ATP8A1: variants seen among roughly 807,000 people sequenced by gnomAD.
ATP8A1 encodes the protein ATPase phospholipid transporting 8A1, also known as phospholipid-transporting ATPase IA.
A neutral mutation model predicts 177.7 loss-of-function variants in ATP8A1; 90 were observed. The observed-to-expected ratio is 0.51, with a 90% CI of 0.43 to 0.60. The LOEUF (loss-of-function observed/expected upper bound fraction) is 0.60, where lower values mean the gene tolerates loss of function less well. Among genes scored for constraint, ATP8A1 ranks in the 20% least tolerant of loss-of-function variants. The pLI, the probability that ATP8A1 is intolerant of heterozygous loss-of-function variation, is 0.00. For missense variants in ATP8A1, 1,072 were observed against 1,392.8 expected (o/e 0.77, Z 3.67); for synonymous variants, 493 against 485.9 (o/e 1.01, Z -0.19).
chr4:42,482,740 T>C (rs556024943), intron 25 of ATP8A1, among the ~76,000 whole-genome samples: 2 of 152,154 alleles, frequency 1.3e-5, no homozygotes, highest in African/African-American at 4.8e-5. Flanking sequence ...GGAACTAACA[T>C]GGAGACTCAT....
chr4:42,500,352 G>A (rs749854324), intron 24 of ATP8A1, among the ~76,000 whole-genome samples: 3 of 149,310 alleles, frequency 2.0e-5, no homozygotes, highest in Admixed American at 1.3e-4. Flanking sequence ...GTGACACAGC[G>A]AGACTCGGTC....
intron 25 of ATP8A1, among the ~76,000 whole-genome samples, chr4:42,467,317 GA>G (rs978580961): frequency 3.0e-4 from 46 of 152,240 alleles, no homozygotes; most frequent in African/African-American, 1.1e-3. Flanking sequence ...TAAGAAAAAA[GA>G]AAATGATATA....
intron 1 of ATP8A1, among the ~76,000 whole-genome samples, chr4:42,642,149 T>A (rs1410416078): frequency 6.6e-6 from 1 of 152,140 alleles, no homozygotes; most frequent in Non-Finnish European, 1.5e-5. Flanking sequence ...GAAACAGACA[T>A]TACCCAGGAT....
chr4:42,552,153 C>T (rs1729564282), intron 17 of ATP8A1, among the ~76,000 whole-genome samples: 1 of 152,166 alleles, frequency 6.6e-6, no homozygotes, highest in African/African-American at 2.4e-5. Flanking sequence ...ACACTTCTTC[C>T]TTTTCCTATT....
chr4:42,464,808 A>T lies in ATP8A1; in HGVS notation c.2509-8T>A. On this transcript the variant is annotated splice_region_variant and splice_polypyrimidine_tract_variant and intron_variant, in intron 26 of 36. Transcript: ENST00000381668. ...ATTCTTCAAATATTTGAACTAAAAC[A>T]AGAGTGGGAAAAAATTAGTATTTTC... is the stretch of plus-strand genomic sequence containing the variant. 1 of 1,612,202 alleles carries T rather than the reference A, an allele frequency of 6.2e-7. No homozygotes were observed. The highest frequency in any genetic ancestry group is 8.5e-7 in the Non-Finnish European group (1 of 1,178,696).
chr4:42,447,747 C>T (rs4861028), intron 30 of ATP8A1, among the ~76,000 whole-genome samples: 144,009 of 152,216 alleles, frequency 0.95, 68,600 homozygotes, highest in Non-Finnish European at 1. Context: ...TTGGAGACAC[C>T]GAAGTTTAGT....
chr4:42,491,995 T>C (rs1273547716), intron 24 of ATP8A1, among the ~76,000 whole-genome samples: 1 of 152,296 alleles, frequency 6.6e-6, no homozygotes. Flanking sequence ...TAGTCCGACA[T>C]GAAGCAGCTA....
chr4:42,501,303 T>C (rs980866837), intron 24 of ATP8A1, among the ~76,000 whole-genome samples: 3 of 152,278 alleles, frequency 2.0e-5, no homozygotes, highest in South Asian at 2.1e-4. Flanking sequence ...ATTTTTTACA[T>C]GTGCCATGTA....
At chr4:42,483,534 G>A (rs1272619328) in intron 25 of ATP8A1, among the ~76,000 whole-genome samples, 1 of 152,158 alleles carries the variant, frequency 6.6e-6, no homozygotes, top group Non-Finnish European at 1.5e-5. Context: ...GTGCACGGCA[G>A]GGTGTGATTC....
chr4:42,652,752 C>T (rs1439845041), intron 1 of ATP8A1, among the ~76,000 whole-genome samples: 1 of 152,176 alleles, frequency 6.6e-6, no homozygotes, highest in Admixed American at 6.5e-5. Flanking sequence ...AAGAGCAGTT[C>T]CCCTGCACAC....
chr4:42,637,922 T>C (rs1156560027), intron 1 of ATP8A1, among the ~76,000 whole-genome samples: 1 of 152,232 alleles, frequency 6.6e-6, no homozygotes, highest in Non-Finnish European at 1.5e-5. Context: ...AAGACCATCA[T>C]ACATCTGACA....
chr4:42,656,837 A>C lies in ATP8A1; in HGVS notation c.37T>G (p.Ser13Ala). 1 of 1,583,606 alleles carries C rather than the reference A, an allele frequency of 6.3e-7. No homozygotes were observed. Among genetic ancestry groups the C allele is most frequent in the Non-Finnish European group, 8.6e-7 (1 of 1,165,198 alleles). ...GGCGGCCCCTTACCTTCGGCGCGCG[A>C]GCGGATCTCCGACACGGTCCTCCGC... ...TMRRTVSEIR[S>A]RAEGYEKTDD... Residue 13 changes from serine (S) to alanine (A), a missense_variant, in exon 1 of 37, where the codon TCG becomes GCG. This residue lies in a region of ATP8A1 where 344 missense variants were observed against 393.5 expected (regional missense o/e 0.87). Transcript: ENST00000381668.
chr4:42,609,562 A>T (rs1213850331), intron 5 of ATP8A1, among the ~76,000 whole-genome samples: 1 of 152,008 alleles, frequency 6.6e-6, no homozygotes, highest in Non-Finnish European at 1.5e-5. Flanking sequence ...CTCCACGACT[A>T]CTCTCTAGTT....
Position 42,483,604 on chromosome 4 carries a change from GAACA to G in ATP8A1, c.2324+1888_2324+1891del, listed in dbSNP as rs1328394601. ...GGTCCATGTGACTTGTGAGCATCCAGAACAAGGATTTCGGGAGGGAATTTCACAA... is the reference window on the plus strand; with the variant it reads ...GGTCCATGTGACTTGTGAGCATCCAGAGGATTTCGGGAGGGAATTTCACAA... On this transcript the variant is annotated intron_variant, in intron 25 of 36. Transcript: ENST00000381668. 2.0e-5 allele frequency among the ~76,000 whole-genome samples: 3 copies of G among 152,278 alleles called. No individual in the cohort carries two copies. In the East Asian group the frequency reaches 5.8e-4, roughly 29 times the overall value.
intron 24 of ATP8A1, among the ~76,000 whole-genome samples, chr4:42,494,920 T>C (rs950670571): frequency 1.2e-4 from 18 of 152,220 alleles, no homozygotes; most frequent in African/African-American, 3.4e-4. Flanking sequence ...GTTTTGTTTT[T>C]AAAGCAGAGA....
At chr4:42,609,361 G>A (rs765310160) in intron 5 of ATP8A1, among the ~76,000 whole-genome samples, 7 of 152,142 alleles carry the variant, frequency 4.6e-5, no homozygotes, top group Non-Finnish European at 1.0e-4. Context: ...TAAGTGGCAC[G>A]ATGTGATCGG....
intron 25 of ATP8A1, among the ~76,000 whole-genome samples, chr4:42,468,625 T>C (rs924380132): frequency 1.3e-5 from 2 of 151,872 alleles, no homozygotes; most frequent in African/African-American, 4.8e-5. Flanking sequence ...AGTTAAGCTG[T>C]GAGGATGAAG....
At chr4:42,522,839 G>GT in intron 21 of ATP8A1, among the ~76,000 whole-genome samples, 1 of 152,282 alleles carries the variant, frequency 6.6e-6, no homozygotes, top group African/African-American at 2.4e-5. Flanking sequence ...ACCAAAGGCA[G>GT]TAACACTCCT....
At chr4:42,589,951 A>G (rs1465504894) in intron 7 of ATP8A1, among the ~76,000 whole-genome samples, 1 of 152,160 alleles carries the variant, frequency 6.6e-6, no homozygotes, top group Non-Finnish European at 1.5e-5. Flanking sequence ...GGGTAATAAA[A>G]TAAGCATCGA....
Sources: allele counts gnomAD v4.1 joint callset (sites outside exome capture counted in the v4.1 genomes callset), GRCh38; gene constraint gnomAD v4.1.1; regional missense constraint gnomAD v4.1.1; transcripts MANE v1.5; gene names NCBI Gene and HGNC (gene_info 2026-07-23, HGNC 2026-07-21).